BCKDHB: variants seen among roughly 807,000 people sequenced by gnomAD.
BCKDHB encodes the protein 2-oxoisovalerate dehydrogenase subunit beta, mitochondrial.
Under a neutral mutation model 48.5 loss-of-function variants are expected in BCKDHB, and 41 were observed. The ratio of observed to expected loss-of-function variants is 0.85; its 90% confidence interval spans 0.66 to 1.10. The LOEUF (loss-of-function observed/expected upper bound fraction) is 1.10, where lower values mean the gene tolerates loss of function less well. Ranked by LOEUF, BCKDHB falls within the 50% of genes least tolerant of loss-of-function variation. The pLI is 0.00. For synonymous variants in BCKDHB, 201 were observed against 174.8 expected, an observed-to-expected ratio of 1.15 and a Z score of -1.18; for missense variants, 496 against 494.2, an observed-to-expected ratio of 1.00 and a Z score of -0.03.
intron 9 of BCKDHB, among the ~76,000 whole-genome samples, chr6:80,303,706 C>G (rs183104366): frequency 6.6e-6 from 1 of 152,062 alleles, no homozygotes; most frequent in African/African-American, 2.4e-5. Flanking sequence ...CTTTAAACTT[C>G]TGTAAAGAGA....
chr6:80,419,191 C>T, the BCKDHB span, among the ~76,000 whole-genome samples: 1 of 152,138 alleles, frequency 6.6e-6, no homozygotes, highest in Non-Finnish European at 1.5e-5. Context: ...CAGATACACA[C>T]CAGCAAAGTG....
the BCKDHB span, among the ~76,000 whole-genome samples, chr6:80,386,638 C>A: frequency 6.6e-6 from 1 of 152,164 alleles, no homozygotes; most frequent in Non-Finnish European, 1.5e-5. Context: ...CCATCAAAGG[C>A]AATGTGGGCA....
Position 80,130,644 on chromosome 6 carries a change from A to G in BCKDHB, c.343+1415A>G, listed in dbSNP as rs189557111. On this transcript the variant is annotated intron_variant, in intron 3 of 9. Coordinates refer to ENST00000320393, the MANE Select transcript of BCKDHB (RefSeq NM_183050.4). ...TTAATAAACAGTTAAAAATCTTTAC[A>G]CATTTGATTTCAAAAGTAATGCATA... Among the ~76,000 whole-genome samples the G allele has an allele frequency of 7.2e-5, 11 of 152,298 alleles. No individual in the cohort carries two copies. In the East Asian group the frequency reaches 1.9e-3, roughly 27 times the overall value.
intron 9 of BCKDHB, 58 bp downstream of exon 9, chr6:80,273,279 G>A: frequency 3.6e-6 from 5 of 1,382,830 alleles, no homozygotes; most frequent in Non-Finnish European, 5.1e-6. Context: ...GCCAATTCCA[G>A]AAGAAAATAA....
chr6:80,400,780 C>T, the BCKDHB span, among the ~76,000 whole-genome samples: 29 of 152,036 alleles, frequency 1.9e-4, no homozygotes, highest in Non-Finnish European at 3.2e-4. Context: ...TTGATTGCAG[C>T]GCTATTCACA....
At chr6:80,396,391 TAGAC>T in the BCKDHB span, among the ~76,000 whole-genome samples, 3 of 152,248 alleles carry the variant, frequency 2.0e-5, no homozygotes, top group Non-Finnish European at 2.9e-5. Flanking sequence ...TACAGGCTCA[TAGAC>T]AGAAGAGACT....
intron 8 of BCKDHB, among the ~76,000 whole-genome samples, chr6:80,271,719 T>G (rs1400713949): frequency 6.6e-6 from 1 of 152,018 alleles, no homozygotes; most frequent in Non-Finnish European, 1.5e-5. Context: ...GTTCTGAGTT[T>G]CAGAGCTATA....
chr6:80,107,509 G>C (rs62406023), intron 1 of BCKDHB, among the ~76,000 whole-genome samples: 1 of 101,668 alleles, frequency 9.8e-6, no homozygotes, highest in Non-Finnish European at 1.7e-5. Flanking sequence ...GCATATATAT[G>C]TGCGCATATA....
chr6:80,279,704 A>G (rs1413107976), intron 9 of BCKDHB, among the ~76,000 whole-genome samples: 1 of 151,906 alleles, frequency 6.6e-6, no homozygotes. Context: ...CCTACTGGCT[A>G]TTTCCTGAAT....
chr6:80,279,706 T>G (rs1024334968), intron 9 of BCKDHB, among the ~76,000 whole-genome samples: 7 of 152,048 alleles, frequency 4.6e-5, no homozygotes, highest in African/African-American at 1.7e-4. Flanking sequence ...TACTGGCTAT[T>G]TCCTGAATGA....
chr6:80,438,417 CTTTTTACATGCATG>C, the BCKDHB span, among the ~76,000 whole-genome samples: 2 of 152,040 alleles, frequency 1.3e-5, no homozygotes, highest in Admixed American at 1.3e-4. Context: ...AAATTCATGT[CTTTTTACATGCATG>C]TTTTTACATG....
intron 8 of BCKDHB, among the ~76,000 whole-genome samples, chr6:80,227,393 C>T (rs1025361240): frequency 1.3e-5 from 2 of 152,036 alleles, no homozygotes; most frequent in African/African-American, 4.8e-5. Context: ...ATCTCGTTTC[C>T]CAAATTTTAA....
chr6:80,378,185 G>T, the BCKDHB span, among the ~76,000 whole-genome samples: 1 of 152,114 alleles, frequency 6.6e-6, no homozygotes. Context: ...GGCTTCTAGT[G>T]TACTCATCAT....
At chr6:80,139,885 TA>T (rs1397905487) in intron 3 of BCKDHB, among the ~76,000 whole-genome samples, 2 of 152,222 alleles carry the variant, frequency 1.3e-5, no homozygotes, top group Non-Finnish European at 2.9e-5. Flanking sequence ...ATCTATAAAT[TA>T]CCTTGGGCAG....
At chr6:80,130,779 C>A (rs1770587934) in intron 3 of BCKDHB, among the ~76,000 whole-genome samples, 1 of 152,150 alleles carries the variant, frequency 6.6e-6, no homozygotes, top group South Asian at 2.1e-4. Context: ...GGTATATATA[C>A]TTCTAGACTG....
chr6:80,208,931 A>G (rs1366555751), intron 8 of BCKDHB, among the ~76,000 whole-genome samples: 2 of 151,840 alleles, frequency 1.3e-5, no homozygotes, highest in African/African-American at 4.8e-5. Flanking sequence ...TCTTAATATC[A>G]AACGTATTTA....
At chr6:80,151,928 T>G (rs1385669362) in intron 3 of BCKDHB, among the ~76,000 whole-genome samples, 2 of 152,164 alleles carry the variant, frequency 1.3e-5, no homozygotes, top group African/African-American at 4.8e-5. Flanking sequence ...TTTGTGTGCT[T>G]TGAGCTCTGG....
chr6:80,110,299 T>C (rs943460785), intron 1 of BCKDHB, among the ~76,000 whole-genome samples: 2 of 152,218 alleles, frequency 1.3e-5, no homozygotes, highest in Non-Finnish European at 2.9e-5. Flanking sequence ...CTCTGCTAGC[T>C]GCTAAGGATG....
chr6:80,142,871 A>C (rs1337594145), intron 3 of BCKDHB, among the ~76,000 whole-genome samples: 2 of 151,954 alleles, frequency 1.3e-5, no homozygotes, highest in Non-Finnish European at 2.9e-5. Flanking sequence ...GTTATGAAAA[A>C]ATTTTTTTCT....
Sources: allele counts gnomAD v4.1 joint callset (sites outside exome capture counted in the v4.1 genomes callset), GRCh38; gene constraint gnomAD v4.1.1; transcripts MANE v1.5; gene names NCBI Gene and HGNC (gene_info 2026-07-23, HGNC 2026-07-21).